Variants in CFAP61 observed in about 807,000 individuals in gnomAD.
CFAP61 encodes cilia and flagella associated protein 61.
CFAP61 carries 107 observed loss-of-function variants against 135.6 expected under a neutral mutation model. The observed-to-expected ratio is 0.79, with a 90% CI of 0.67 to 0.93. The LOEUF is 0.93. Among genes scored for constraint, CFAP61 ranks in the 40% least tolerant of loss-of-function variants. The probability of loss-of-function intolerance (pLI) is 0.00; values close to 1 mark genes in which losing one functional copy is unlikely to be tolerated. For missense variants in CFAP61, 1,507 were observed against 1,556.2 expected (o/e 0.97, Z 0.53); for synonymous variants, 575 against 578.5 (o/e 0.99, Z 0.09).
Position 20,171,875 on chromosome 20 carries a change from T to C in CFAP61, c.1385+2415T>C, listed in dbSNP as rs2054249306. The C allele has an allele frequency of 2.0e-5, 13 of 658,356 alleles. No individual in the cohort carries two copies. The South Asian group carries it at 2.1e-4, about 11-fold the overall frequency. 40.8% of individuals were successfully genotyped at this position (658,356 alleles called of 1,614,324 possible). A position where few individuals can be genotyped will look rare whatever the true frequency, so the allele number is the denominator to read the frequency against. On this transcript the variant is annotated intron_variant, in intron 13 of 26. Coordinates refer to ENST00000245957, the MANE Select transcript of CFAP61 (RefSeq NM_015585.4). ...TCAGACCCACGGCCAGAGTGGACTT[T>C]TCTTCCTTGTGCTCAGAGCTAGCTC...
chr20:20,057,373 G>T (rs1448883832), intron 2 of CFAP61, among the ~76,000 whole-genome samples: 1 of 152,072 alleles, frequency 6.6e-6, no homozygotes, highest in African/African-American at 2.4e-5. Context: ...CTCACTAGTG[G>T]AGTCACTTAA....
chr20:20,168,453 A>G (rs1248723769), intron 12 of CFAP61, among the ~76,000 whole-genome samples: 2 of 152,164 alleles, frequency 1.3e-5, no homozygotes, highest in Non-Finnish European at 2.9e-5. Flanking sequence ...GAAATCTAAT[A>G]TATATTTCAC....
intron 20 of CFAP61, chr20:20,253,722 G>A: frequency 2.9e-6 from 1 of 350,790 alleles, no homozygotes; most frequent in South Asian, 2.5e-5. Context: ...ATACTGGGTG[G>A]CTCTTGATAT....
intron 26 of CFAP61, among the ~76,000 whole-genome samples, chr20:20,344,751 T>C (rs910738443): frequency 2.0e-5 from 3 of 152,064 alleles, no homozygotes; most frequent in Non-Finnish European, 4.4e-5. Flanking sequence ...CACTGCTGGG[T>C]ATATATCCAA....
Position 20,263,035 on chromosome 20 carries a change from CG to C in CFAP61, c.2412del (p.Val806PhefsTer18). 6.2e-7 allele frequency: 1 copy of C among 1,613,880 alleles called. No individual in the cohort carries two copies. Among genetic ancestry groups the C allele is most frequent in the Non-Finnish European group, 8.5e-7 (1 of 1,179,848 alleles). ...EVPNSSQRRYTGKVPCNHFTL... is the reference protein window; with the variant it reads ...EVPNSSQRRYXGKVPCNHFTL... ...CCCAACAGCAGTCAGCGGCGGTACA[CG>C]GGGAAAGTTCCTTGCAACCATTTCA... On this transcript the variant is annotated frameshift_variant, in exon 21 of 27. Coordinates refer to ENST00000245957, the MANE Select transcript of CFAP61 (RefSeq NM_015585.4). LOFTEE classifies it high-confidence loss of function.
At chr20:20,340,746 G>C (rs748387278) in intron 25 of CFAP61, among the ~76,000 whole-genome samples, 4 of 152,142 alleles carry the variant, frequency 2.6e-5, no homozygotes, top group Non-Finnish European at 5.9e-5. Context: ...ACAAACATGG[G>C]GGATTTCAGC....
chr20:20,275,828 G>A (rs2053714639), intron 21 of CFAP61, among the ~76,000 whole-genome samples: 1 of 152,226 alleles, frequency 6.6e-6, no homozygotes, highest in South Asian at 2.1e-4. Flanking sequence ...CAAGATTCAT[G>A]TTTCGTAGCA....
chr20:20,205,153 C>T (rs1255808934), intron 17 of CFAP61, among the ~76,000 whole-genome samples: 1 of 152,098 alleles, frequency 6.6e-6, no homozygotes, highest in Non-Finnish European at 1.5e-5. Context: ...TGTTTATTCT[C>T]ATTACTGTCC....
rs561433393 is a variant in CFAP61, at chr20:20,180,046, G to A, written c.1386-7884G>A. 6.2e-4 allele frequency among the ~76,000 whole-genome samples: 94 copies of A among 152,322 alleles called. 1 individual carries two copies. Among genetic ancestry groups the A allele is most frequent in the African/African-American group, 2.1e-3 (89 of 41,578 alleles). Reference sequence around the variant, plus strand: ...CATGGTATCTAATTAAAGAGCTTCTGCACAGCAAAGGAAACTGTCCACAGA... The same window carrying A: ...CATGGTATCTAATTAAAGAGCTTCTACACAGCAAAGGAAACTGTCCACAGA... On this transcript the variant is annotated intron_variant, in intron 13 of 26. Transcript: ENST00000245957.
intron 26 of CFAP61, among the ~76,000 whole-genome samples, chr20:20,348,853 G>C (rs1400209067): frequency 6.7e-6 from 1 of 148,976 alleles, no homozygotes; most frequent in Non-Finnish European, 1.5e-5. Context: ...TCTGACAAAG[G>C]ATGTTTATGA....
chr20:20,069,573 C>T lies in CFAP61; in HGVS notation c.144-1281C>T, dbSNP rs141187409. ...GATTACAGGTGTGAGCCACCGTTCC[C>T]GGCCAGATTCTAGTTTTAAAAACAC... On this transcript the variant is annotated intron_variant, in intron 2 of 26. Transcript: ENST00000245957. Among the ~76,000 whole-genome samples, 31 of 152,306 alleles carry T rather than the reference C, an allele frequency of 2.0e-4. No individual in the cohort carries two copies. In the East Asian group the frequency reaches 2.7e-3, roughly 13 times the overall value.
intron 20 of CFAP61, among the ~76,000 whole-genome samples, chr20:20,252,485 A>C (rs1404976482): frequency 6.6e-6 from 1 of 152,254 alleles, no homozygotes; most frequent in Non-Finnish European, 1.5e-5. Flanking sequence ...CCATGGGCCC[A>C]AGGTGGCTTT....
intron 18 of CFAP61, among the ~76,000 whole-genome samples, chr20:20,243,941 T>G (rs1372338650): frequency 1.3e-5 from 2 of 152,130 alleles, no homozygotes; most frequent in Non-Finnish European, 2.9e-5. Flanking sequence ...GGTTACAGGC[T>G]CCATGCAAGT....
chr20:20,357,909 C>G (rs1431294370), intron 26 of CFAP61, among the ~76,000 whole-genome samples: 3 of 122,680 alleles, frequency 2.4e-5, no homozygotes, highest in African/African-American at 6.4e-5. Context: ...GGGAGGTGGT[C>G]ACACTGAGGG....
At chr20:20,251,218 G>A (rs1227576670) in intron 19 of CFAP61, among the ~76,000 whole-genome samples, 2 of 152,116 alleles carry the variant, frequency 1.3e-5, no homozygotes, top group Non-Finnish European at 2.9e-5. Context: ...CATTCCCATT[G>A]AGGCTGTGGT....
At chr20:20,138,374 C>T (rs975856930) in intron 8 of CFAP61, among the ~76,000 whole-genome samples, 5 of 152,204 alleles carry the variant, frequency 3.3e-5, no homozygotes, top group South Asian at 2.1e-4. Context: ...TGTGGTGGCA[C>T]GGCTTGCCAG....
intron 26 of CFAP61, among the ~76,000 whole-genome samples, chr20:20,356,235 G>GTGTGGAC (rs2059152587): frequency 7.3e-6 from 1 of 137,876 alleles, no homozygotes; most frequent in African/African-American, 2.7e-5. Context: ...TAGTCACACT[G>GTGTGGAC]AGGGGAGGGG....
intron 26 of CFAP61, among the ~76,000 whole-genome samples, chr20:20,348,902 T>G (rs1396214979): frequency 6.6e-6 from 1 of 151,978 alleles, no homozygotes; most frequent in Non-Finnish European, 1.5e-5. Flanking sequence ...AATGAATTAC[T>G]GAAACCTGAA....
intron 24 of CFAP61, among the ~76,000 whole-genome samples, chr20:20,296,119 C>CTCTT (rs2055483042): frequency 4.3e-4 from 1 of 2,300 alleles, no homozygotes; most frequent in Non-Finnish European, 7.6e-4. Flanking sequence ...CCCTCCTTCC[C>CTCTT]TTCCTTCCTT....
Sources: gnomAD v4.1 joint callset for allele counts (sites outside exome capture counted in the v4.1 genomes callset) on GRCh38, gnomAD v4.1.1 for gene constraint, MANE v1.5 for transcripts, NCBI Gene and HGNC (gene_info 2026-07-23, HGNC 2026-07-21) for gene names.